Variants in FUNDC2 observed in about 807,000 individuals in gnomAD.
FUNDC2 encodes FUN14 domain-containing protein 2.
A neutral mutation model predicts 15.6 loss-of-function variants in FUNDC2; 4 were observed. That is an observed-to-expected ratio of 0.26 (90% CI 0.13 to 0.59). The LOEUF is 0.59. Among genes scored for constraint, FUNDC2 ranks in the 20% least tolerant of loss-of-function variants. FUNDC2 has a pLI of 0.90. For missense variants in FUNDC2, 98 were observed against 149.7 expected (o/e 0.65, Z 1.80); for synonymous variants, 44 against 56.9 (o/e 0.77, Z 1.02).
At chrX:155,045,374 A>G (rs1476635779) in intron 2 of FUNDC2, among the ~76,000 whole-genome samples, 1 of 112,224 alleles carries the variant, frequency 8.9e-6, no homozygotes, top group African/African-American at 3.2e-5. Flanking sequence ...ACAAAAAAGT[A>G]ACTATGTGAG....
rs2073917962 is a variant in FUNDC2 at position 155,058,866 on chromosome X, A to G, written c.*4194A>G. Reference sequence around the variant, plus strand: ...GTGTCGCACTTTTTCACATTTTTATAAAGCTTTAAAGTCAGTTTACTGACT... The same window carrying G: ...GTGTCGCACTTTTTCACATTTTTATGAAGCTTTAAAGTCAGTTTACTGACT... On this transcript the variant is annotated 3_prime_UTR_variant, in exon 5 of 5. Coordinates refer to ENST00000369498, the MANE Select transcript of FUNDC2 (RefSeq NM_023934.4). 3 of 111,414 alleles carry G rather than the reference A, an allele frequency of 2.7e-5. No homozygotes were observed. The highest frequency in any genetic ancestry group is 1.9e-4 in the Admixed American group (2 of 10,502). 9.2% of individuals were successfully genotyped at this position (111,414 alleles called of 1,213,427 possible).
chrX:155,049,313 C>T (rs782509661), intron 3 of FUNDC2: 3 of 112,894 alleles, frequency 2.7e-5, no homozygotes, highest in African/African-American at 6.4e-5. Flanking sequence ...GAAGTCACCT[C>T]GCAATCCTGG....
At chrX:155,046,424 A>G in intron 2 of FUNDC2, 85 bp from the exon 3 acceptor site, 2 of 851,588 alleles carry the variant, frequency 2.3e-6, no homozygotes, top group Non-Finnish European at 3.5e-6. Flanking sequence ...TCTTAAGCTA[A>G]GTAAGATATG....
In FUNDC2 at chrX:155,026,931, C is replaced by T; in HGVS notation, c.-8C>T. 8.4e-7 allele frequency: 1 copy of T among 1,185,947 alleles called. No individual in the cohort carries two copies. The highest frequency in any genetic ancestry group is 2.3e-5 in the Admixed American group (1 of 43,976). ...CCCGGCCCTCCCTCTTCCGCTGCCGCCGTGGGAATGGAAACATCTGCCCCA... is the reference window on the plus strand; with the variant it reads ...CCCGGCCCTCCCTCTTCCGCTGCCGTCGTGGGAATGGAAACATCTGCCCCA... On this transcript the variant is annotated 5_prime_UTR_variant, in exon 1 of 5. Transcript: ENST00000369498.
At chrX:155,039,208 T>C (rs1189575084) in intron 2 of FUNDC2, among the ~76,000 whole-genome samples, 1 of 112,658 alleles carries the variant, frequency 8.9e-6, no homozygotes, top group Non-Finnish European at 1.9e-5. Context: ...AATCAGGTTG[T>C]ATTTTTACAA....
chrX:155,034,255 T>G (rs1479101856), intron 2 of FUNDC2, among the ~76,000 whole-genome samples: 1 of 112,958 alleles, frequency 8.9e-6, no homozygotes, highest in South Asian at 3.6e-4. Flanking sequence ...TACTGTGGTT[T>G]ACCTGCTTTC....
At chrX:155,053,433 G>T (rs192520694) in intron 4 of FUNDC2, among the ~76,000 whole-genome samples, 7 of 111,876 alleles carry the variant, frequency 6.3e-5, no homozygotes. Context: ...TGGTGGGGTG[G>T]TGGAGTTGAA....
intron 4 of FUNDC2, among the ~76,000 whole-genome samples, chrX:155,052,918 GC>G (rs1474096969): frequency 8.9e-6 from 1 of 112,698 alleles, no homozygotes; most frequent in African/African-American, 3.2e-5. Context: ...TCACTCTGTT[GC>G]CCAGGCTGGA....
At chrX:155,051,919 T>A (rs781801598) in intron 4 of FUNDC2, 118 bp downstream of exon 4, 1 of 712,405 alleles carries the variant, frequency 1.4e-6, no homozygotes, top group Non-Finnish European at 2.0e-6. Flanking sequence ...GAACTTAGAG[T>A]AATGAGACAA....
chrX:155,038,081 G>A (rs1453634349), intron 2 of FUNDC2, among the ~76,000 whole-genome samples: 3 of 108,332 alleles, frequency 2.8e-5, no homozygotes, highest in Non-Finnish European at 5.7e-5. Context: ...AGAAAAATTA[G>A]CCGGGCGTGG....
intron 3 of FUNDC2, chrX:155,049,012 C>G (rs946586584): frequency 1.8e-5 from 2 of 112,917 alleles, no homozygotes; most frequent in Non-Finnish European, 3.7e-5. Flanking sequence ...TTTATGCCAT[C>G]TGTGAACAGT....
At chrX:155,033,100 G>T (rs1406693239) in intron 1 of FUNDC2, 2 of 153,803 alleles carry the variant, frequency 1.3e-5, no homozygotes, top group Non-Finnish European at 2.5e-5. Flanking sequence ...GCCCACCTCG[G>T]CCTCCCAAAG....
chrX:155,059,898 C>T lies in FUNDC2; in HGVS notation c.*5226C>T, dbSNP rs1400757045. The T allele has an allele frequency of 9.0e-6, 1 of 111,297 alleles. No individual in the cohort carries two copies. Among genetic ancestry groups the T allele is most frequent in the Non-Finnish European group, 1.9e-5 (1 of 53,048 alleles). 9.2% of individuals were successfully genotyped at this position (111,297 alleles called of 1,213,427 possible). On this transcript the variant is annotated 3_prime_UTR_variant, in exon 5 of 5. Coordinates refer to ENST00000369498, the MANE Select transcript of FUNDC2 (RefSeq NM_023934.4). ...CTTCACCCCTCACTCTCTCTTGCTC[C>T]TGCTTTGGCCATGTGGAGTGCTCAC...
chrX:155,053,716 G>T (rs1458573181), intron 4 of FUNDC2: 2 of 388,027 alleles, frequency 5.2e-6, no homozygotes, highest in Non-Finnish European at 3.3e-6. Context: ...GGAATGTCAG[G>T]GTGTGAGTAG....
chrX:155,053,347 C>T (rs952105564), intron 4 of FUNDC2, among the ~76,000 whole-genome samples: 3 of 111,586 alleles, frequency 2.7e-5, no homozygotes, highest in Admixed American at 9.5e-5. Context: ...CTCATAGAGC[C>T]GGTGGTCTGA....
chrX:155,028,961 C>G (rs1391415562), intron 1 of FUNDC2, among the ~76,000 whole-genome samples: 3 of 111,945 alleles, frequency 2.7e-5, no homozygotes, highest in African/African-American at 9.8e-5. Context: ...TTCCTGATTG[C>G]AGCAATATTT....
Position 155,057,035 on chromosome X carries a change from CTCATCCT to C in FUNDC2, c.*2364_*2370del. 2 of 95,590 alleles carry C rather than the reference CTCATCCT, an allele frequency of 2.1e-5. No individual in the cohort carries two copies. The highest frequency in any genetic ancestry group is 4.5e-5 in the Non-Finnish European group (2 of 44,701). The allele number at this position is 95,590 out of a possible 1,213,427, so 7.9% of individuals were successfully genotyped here. On this transcript the variant is annotated 3_prime_UTR_variant, in exon 5 of 5. Transcript: ENST00000369498. ...GTTGAGGTCAGTATTGCAGGTTGGC[CTCATCCT>C]GCTAGTATGAGAACGGCTGTGAGTT... is the stretch of plus-strand genomic sequence containing the variant.
Position 155,027,230 on chromosome X carries a change from C to G in FUNDC2, c.133+159C>G, listed in dbSNP as rs886541720. 15 of 540,290 alleles carry G rather than the reference C, an allele frequency of 2.8e-5. No individual in the cohort carries two copies. The Admixed American group carries it at 7.5e-4, about 27-fold the overall frequency. 44.5% of individuals were successfully genotyped at this position (540,290 alleles called of 1,213,427 possible). A position where few individuals can be genotyped will look rare whatever the true frequency, so the allele number is the denominator to read the frequency against. ...GCTCGGGGATCGCCCCTGGCTCAGC[C>G]GCTCCCAGGGTCCGGCCAAGGTCAC... On this transcript the variant is annotated intron_variant, in intron 1 of 4. Transcript: ENST00000369498.
Position 155,056,638 on chromosome X carries a change from C to G in FUNDC2, c.*1966C>G, listed in dbSNP as rs782263538. On this transcript the variant is annotated 3_prime_UTR_variant, in exon 5 of 5. Coordinates refer to ENST00000369498, the MANE Select transcript of FUNDC2 (RefSeq NM_023934.4). ...CCCCACACTCTGCCTCTCCTGACAT[C>G]TGGGTCTCTGGGTTATGCCATATAT... 5 of 110,359 alleles carry G rather than the reference C, an allele frequency of 4.5e-5. No homozygotes were observed. The highest frequency in any genetic ancestry group is 9.4e-5 in the Non-Finnish European group (5 of 52,919). The allele number at this position is 110,359 out of a possible 1,213,427, so 9.1% of individuals were successfully genotyped here.
Sources: gnomAD v4.1 joint callset for allele counts (sites outside exome capture counted in the v4.1 genomes callset) on GRCh38, gnomAD v4.1.1 for gene constraint, MANE v1.5 for transcripts, NCBI Gene and HGNC (gene_info 2026-07-23, HGNC 2026-07-21) for gene names.